NRG3: variants seen among roughly 807,000 people sequenced by gnomAD.
NRG3 encodes the protein pro-neuregulin-3, membrane-bound isoform.
Under a neutral mutation model 66.9 loss-of-function variants are expected in NRG3, and 31 were observed. The observed-to-expected ratio is 0.46, with a 90% CI of 0.35 to 0.63. The LOEUF (loss-of-function observed/expected upper bound fraction) is 0.63. Ranked by LOEUF, NRG3 falls within the 20% of genes least tolerant of loss-of-function variation. The probability of loss-of-function intolerance (pLI) is 0.00; values close to 1 mark genes in which losing one functional copy is unlikely to be tolerated. For missense variants in NRG3, 910 were observed against 878.9 expected, an observed-to-expected ratio of 1.04 and a Z score of -0.45; for synonymous variants, 393 against 359.4, an observed-to-expected ratio of 1.09 and a Z score of -1.06.
intron 1 of NRG3, among the ~76,000 whole-genome samples, chr10:82,190,059 C>T (rs564325449): frequency 3.3e-5 from 5 of 152,218 alleles, no homozygotes; most frequent in East Asian, 1.9e-4. Flanking sequence ...CAGTTCAGAA[C>T]GGGGTCTTCC....
chr10:82,160,947 C>A (rs1461284446), intron 1 of NRG3, among the ~76,000 whole-genome samples: 2 of 151,830 alleles, frequency 1.3e-5, no homozygotes, highest in African/African-American at 4.8e-5. Flanking sequence ...TGTACAATAC[C>A]TGGAGCCCTG....
rs558564146 is a variant in NRG3, at chr10:81,907,940, G to A, written c.823+31777G>A. ...ATGAGGTGACTCTCAAAGAACAAAA[G>A]GAATCAATATGCCTAATTGTGTTTA... On this transcript the variant is annotated intron_variant, in intron 1 of 8. Transcript: ENST00000372141. 1.8e-3 allele frequency among the ~76,000 whole-genome samples: 273 copies of A among 152,250 alleles called. 3 individuals are homozygous for A. Among genetic ancestry groups the A allele is most frequent in the East Asian group, 8.9e-3 (46 of 5,168 alleles).
intron 1 of NRG3, among the ~76,000 whole-genome samples, chr10:81,901,355 A>G (rs1844053668): frequency 6.6e-6 from 1 of 152,182 alleles, no homozygotes; most frequent in Non-Finnish European, 1.5e-5. Context: ...CTTATAGGGA[A>G]TTTTGGTTTT....
At chr10:82,606,166 G>A (rs921245886) in intron 2 of NRG3, among the ~76,000 whole-genome samples, 2 of 152,014 alleles carry the variant, frequency 1.3e-5, no homozygotes, top group African/African-American at 4.8e-5. Flanking sequence ...CACATCAAAT[G>A]CTATAAATTT....
chr10:82,491,843 C>T (rs902796053), intron 2 of NRG3, among the ~76,000 whole-genome samples: 5 of 152,198 alleles, frequency 3.3e-5, no homozygotes, highest in Non-Finnish European at 7.3e-5. Flanking sequence ...GACCCTTCCT[C>T]TTTTCCTTAA....
intron 2 of NRG3, among the ~76,000 whole-genome samples, chr10:82,677,339 C>A (rs903971667): frequency 6.6e-6 from 1 of 152,080 alleles, no homozygotes; most frequent in African/African-American, 2.4e-5. Context: ...CTACACCTGG[C>A]CCAAAATTAG....
At chr10:82,064,232 A>C (rs2064320050) in intron 1 of NRG3, among the ~76,000 whole-genome samples, 1 of 152,194 alleles carries the variant, frequency 6.6e-6, no homozygotes, top group Admixed American at 6.5e-5. Flanking sequence ...CTGAGATCAC[A>C]GGAAATTCAC....
At chr10:82,747,586 T>C (rs1371798855) in intron 3 of NRG3, among the ~76,000 whole-genome samples, 4 of 152,102 alleles carry the variant, frequency 2.6e-5, no homozygotes, top group Non-Finnish European at 5.9e-5. Flanking sequence ...GCCAGCAATA[T>C]TGAATCCTTT....
At chr10:82,759,516 G>A (rs977521064) in intron 3 of NRG3, among the ~76,000 whole-genome samples, 6 of 152,122 alleles carry the variant, frequency 3.9e-5, no homozygotes, top group Non-Finnish European at 5.9e-5. Context: ...AGTATGTCAT[G>A]AGGACAGAAA....
At chr10:82,714,492 CAG>C (rs1358273162) in intron 2 of NRG3, among the ~76,000 whole-genome samples, 2 of 152,160 alleles carry the variant, frequency 1.3e-5, no homozygotes, top group Admixed American at 1.3e-4. Context: ...CCTCAAAAAA[CAG>C]AAACAATGTT....
intron 1 of NRG3, among the ~76,000 whole-genome samples, chr10:82,116,148 T>C (rs570118186): frequency 6.6e-6 from 1 of 152,252 alleles, no homozygotes; most frequent in African/African-American, 2.4e-5. Context: ...GAAACAATAA[T>C]GACTACATTA....
intron 3 of NRG3, among the ~76,000 whole-genome samples, chr10:82,739,499 T>G (rs969961006): frequency 3.9e-5 from 6 of 152,186 alleles, no homozygotes; most frequent in Admixed American, 1.3e-4. Context: ...CAGTAAATAT[T>G]TTGTACTGAC....
chr10:82,943,589 A>G (rs917890104), intron 4 of NRG3, among the ~76,000 whole-genome samples: 5 of 152,252 alleles, frequency 3.3e-5, no homozygotes, highest in African/African-American at 1.2e-4. Context: ...AAATAGATCA[A>G]CATATTTGCA....
At chr10:82,700,428 T>TG (rs2055773817) in intron 2 of NRG3, among the ~76,000 whole-genome samples, 1 of 152,130 alleles carries the variant, frequency 6.6e-6, no homozygotes, top group Admixed American at 6.5e-5. Context: ...CTCCAATAGT[T>TG]GGAGGTGGAA....
chr10:82,252,531 C>T (rs1003454729), intron 1 of NRG3, among the ~76,000 whole-genome samples: 1 of 152,168 alleles, frequency 6.6e-6, no homozygotes, highest in Admixed American at 6.5e-5. Context: ...CACTATATTA[C>T]AAATGAGGAC....
chr10:82,099,642 A>G (rs1415263452), intron 1 of NRG3, among the ~76,000 whole-genome samples: 2 of 152,030 alleles, frequency 1.3e-5, no homozygotes, highest in African/African-American at 2.4e-5. Context: ...TGTAGACTCT[A>G]TTGATCAATT....
At chr10:82,073,785 A>G (rs2064939806) in intron 1 of NRG3, among the ~76,000 whole-genome samples, 1 of 152,202 alleles carries the variant, frequency 6.6e-6, no homozygotes, top group South Asian at 2.1e-4. Context: ...ATAGTTTCCT[A>G]GTATTGGAAT....
rs187544288 is a variant in NRG3, at chr10:82,022,646, G to A, written c.823+146483G>A. Among the ~76,000 whole-genome samples, 208 of 151,980 alleles carry A rather than the reference G, an allele frequency of 1.4e-3. 1 individual carries two copies. The highest frequency in any genetic ancestry group is 2.2e-3 in the Non-Finnish European group (151 of 67,942). On this transcript the variant is annotated intron_variant, in intron 1 of 8. Transcript: ENST00000372141. ...AAATTATTACTTGCCCTGGCCTTTT[G>A]GGGAAGAAAGTCATAAAATCAACTA...
intron 1 of NRG3, among the ~76,000 whole-genome samples, chr10:82,286,870 G>A (rs2079447983): frequency 6.6e-6 from 1 of 152,182 alleles, no homozygotes; most frequent in Non-Finnish European, 1.5e-5. Context: ...ACAGGCGTGA[G>A]CCACCGTGCC....
Sources: gnomAD v4.1 joint callset for allele counts (sites outside exome capture counted in the v4.1 genomes callset) on GRCh38, gnomAD v4.1.1 for gene constraint, MANE v1.5 for transcripts, NCBI Gene and HGNC (gene_info 2026-07-23, HGNC 2026-07-21) for gene names.